Variants in SLC5A3 observed in about 807,000 individuals in gnomAD.
SLC5A3 encodes the protein sodium/myo-inositol cotransporter.
Under a neutral mutation model 43.2 loss-of-function variants are expected in SLC5A3, and 10 were observed. That is an observed-to-expected ratio of 0.23 (90% CI 0.14 to 0.39). The LOEUF (loss-of-function observed/expected upper bound fraction) is 0.39. Ranked by LOEUF, SLC5A3 falls within the 10% of genes least tolerant of loss-of-function variation. The pLI is 1.00. For missense variants in SLC5A3, 608 were observed against 893.4 expected, an observed-to-expected ratio of 0.68 and a Z score of 4.07; for synonymous variants, 349 against 322.0, an observed-to-expected ratio of 1.08 and a Z score of -0.90.
At position 34,106,164 on chromosome 21, in the gene SLC5A3, C is replaced by A. The variant is rs1979466763; in HGVS notation, c.*8809C>A. The A allele has an allele frequency of 1.0e-6, 1 of 989,534 alleles. No homozygotes were observed. The allele number at this position is 989,534 out of a possible 1,614,324, so 61.3% of individuals were successfully genotyped here. On this transcript the variant is annotated 3_prime_UTR_variant, in exon 2 of 2. Coordinates refer to ENST00000381151, the MANE Select transcript of SLC5A3 (RefSeq NM_006933.7). ...AACTACATTTCTTGCAAAGTACATT[C>A]CTTTCTGTGGTATTTTGTCCTGTAA...
In SLC5A3 at chr21:34,102,851, G is replaced by A. The variant is rs1979309660; in HGVS notation, c.*5496G>A. On this transcript the variant is annotated 3_prime_UTR_variant, in exon 2 of 2. Coordinates refer to ENST00000381151, the MANE Select transcript of SLC5A3 (RefSeq NM_006933.7). ...CACTTCTAGGTTGTTTACATTCAGA[G>A]CTCTATCAATAAGAGGAATACATAT... is the stretch of plus-strand genomic sequence containing the variant. The A allele has an allele frequency of 1.8e-5, 18 of 1,000,014 alleles. No homozygotes were observed. The highest frequency in any genetic ancestry group is 2.2e-5 in the Non-Finnish European group (18 of 829,924). 61.9% of individuals were successfully genotyped at this position (1,000,014 alleles called of 1,614,324 possible). A position where few individuals can be genotyped will look rare whatever the true frequency, so the allele number is the denominator to read the frequency against.
intron 1 of SLC5A3, among the ~76,000 whole-genome samples, chr21:34,082,205 G>A (rs1989475129): frequency 6.6e-6 from 1 of 152,164 alleles, no homozygotes; most frequent in African/African-American, 2.4e-5. Flanking sequence ...TAGCATTTAT[G>A]TTGACAAAGC....
rs554522411 is a variant in SLC5A3, at chr21:34,080,688, T to C, written c.-337+6943T>C. Among the ~76,000 whole-genome samples the C allele has an allele frequency of 5.3e-5, 8 of 152,350 alleles. No individual in the cohort carries two copies. In the South Asian group the frequency reaches 1.2e-3, roughly 24 times the overall value. On this transcript the variant is annotated intron_variant, in intron 1 of 1. Coordinates refer to ENST00000381151, the MANE Select transcript of SLC5A3 (RefSeq NM_006933.7). ...TCTACTTTGTATTACAGTTAATTGG[T>C]GAATATGTTTTACCTCCTTTGCTAG... is the stretch of plus-strand genomic sequence containing the variant.
In SLC5A3 at chr21:34,104,910, T is replaced by C; in HGVS notation, c.*7555T>C. 2.0e-6 allele frequency: 2 copies of C among 1,000,216 alleles called. No homozygotes were observed. Among genetic ancestry groups the C allele is most frequent in the South Asian group, 9.4e-5 (2 of 21,286 alleles). 62.0% of individuals were successfully genotyped at this position (1,000,216 alleles called of 1,614,324 possible). ...ATTTCTTTGGCAGAAATGCCTTTCATCTATAATTTCATGGAGAACTGCTTT... is the reference window on the plus strand; with the variant it reads ...ATTTCTTTGGCAGAAATGCCTTTCACCTATAATTTCATGGAGAACTGCTTT... On this transcript the variant is annotated 3_prime_UTR_variant, in exon 2 of 2. Coordinates refer to ENST00000381151, the MANE Select transcript of SLC5A3 (RefSeq NM_006933.7).
intron 1 of SLC5A3, among the ~76,000 whole-genome samples, chr21:34,079,945 T>C (rs1056472515): frequency 6.6e-6 from 1 of 152,180 alleles, no homozygotes; most frequent in Non-Finnish European, 1.5e-5. Flanking sequence ...TTATCGCTTC[T>C]CTGTCTTCTG....
chr21:34,087,965 A>T (rs1001520734), intron 1 of SLC5A3, among the ~76,000 whole-genome samples: 2 of 152,228 alleles, frequency 1.3e-5, no homozygotes, highest in African/African-American at 4.8e-5. Context: ...GGACTGAGCA[A>T]TAGTGAGGAT....
intron 1 of SLC5A3, among the ~76,000 whole-genome samples, chr21:34,089,120 T>C (rs1330397707): frequency 2.0e-5 from 3 of 151,368 alleles, no homozygotes; most frequent in African/African-American, 7.3e-5. Flanking sequence ...TCCACCTCTC[T>C]GGGTTCAAGC....
In SLC5A3 at chr21:34,096,258, C is replaced by T; in HGVS notation, c.1060C>T (p.Leu354=). The change falls in exon 2 of 2, where the codon CTG becomes TTG. Residue 354 remains leucine, a synonymous_variant. Coordinates refer to ENST00000381151, the MANE Select transcript of SLC5A3 (RefSeq NM_006933.7). This position sits in a 1 kb window ranked among gnomAD's most constrained non-coding sequence, Gnocchi z 5.9. ...TTGCTCCAATATTGCTTACCCACGCCTGGTGATGAAGCTGGTTCCTGTGGG... is the reference window on the plus strand; with the variant it reads ...TTGCTCCAATATTGCTTACCCACGCTTGGTGATGAAGCTGGTTCCTGTGGG... ...AGCSNIAYPR[L]VMKLVPVGLR... 2 of 1,614,126 alleles carry T rather than the reference C, an allele frequency of 1.2e-6. No homozygotes were observed. The highest frequency in any genetic ancestry group is 1.7e-6 in the Non-Finnish European group (2 of 1,180,002).
intron 1 of SLC5A3, among the ~76,000 whole-genome samples, chr21:34,089,203 T>TA (rs1381270408): frequency 1.1e-3 from 1 of 936 alleles, no homozygotes; most frequent in Admixed American, 0.017. Flanking sequence ...GATTTTTGTG[T>TA]TTTTTTAGAG....
At position 34,098,157 on chromosome 21, in the gene SLC5A3, T is replaced by G. The variant is rs1979059185; in HGVS notation, c.*802T>G. ...CCATATTTATTGATCATATTAAGGT[T>G]GTTTATATAGTTTGGAAATGACCAG... On this transcript the variant is annotated 3_prime_UTR_variant, in exon 2 of 2. Coordinates refer to ENST00000381151, the MANE Select transcript of SLC5A3 (RefSeq NM_006933.7). The G allele has an allele frequency of 1.0e-6, 1 of 1,000,006 alleles. No homozygotes were observed. Among genetic ancestry groups the G allele is most frequent in the Admixed American group, 6.2e-5 (1 of 16,256 alleles). The allele number at this position is 1,000,006 out of a possible 1,614,324, so 61.9% of individuals were successfully genotyped here. A position where few individuals can be genotyped will look rare whatever the true frequency, so the allele number is the denominator to read the frequency against.
chr21:34,095,651 G>A lies in SLC5A3; in HGVS notation c.453G>A (p.Gln151=). The change falls in exon 2 of 2, where the codon CAG becomes CAA. Residue 151 remains glutamine (Q), a synonymous_variant. Transcript: ENST00000381151. ...TGTATTCGGGTGCCCTTTTTATCCA[G>A]GAGTCTTTGGGTTGGAATCTTTATG... ...VDLYSGALFI[Q]ESLGWNLYVS... The A allele has an allele frequency of 6.2e-7, 1 of 1,613,432 alleles. No homozygotes were observed. Among genetic ancestry groups the A allele is most frequent in the Non-Finnish European group, 8.5e-7 (1 of 1,179,860 alleles).
At chr21:34,075,089 A>G (rs576672297) in intron 1 of SLC5A3, among the ~76,000 whole-genome samples, 1 of 152,358 alleles carries the variant, frequency 6.6e-6, no homozygotes, top group Non-Finnish European at 1.5e-5. Context: ...AAAGGATAGG[A>G]GCAGTGAAAA....
rs1979219258 is a variant in SLC5A3, at chr21:34,101,157, C to T, written c.*3802C>T. On this transcript the variant is annotated 3_prime_UTR_variant, in exon 2 of 2. Coordinates refer to ENST00000381151, the MANE Select transcript of SLC5A3 (RefSeq NM_006933.7). Reference sequence around the variant, plus strand: ...GAAAAATGATTAAGTGAGATAAGTACCTGGGTGACACAGATATTAGCCCGT... The same window carrying T: ...GAAAAATGATTAAGTGAGATAAGTATCTGGGTGACACAGATATTAGCCCGT... 3 of 999,972 alleles carry T rather than the reference C, an allele frequency of 3.0e-6. No homozygotes were observed. The highest frequency in any genetic ancestry group is 3.6e-6 in the Non-Finnish European group (3 of 829,904). 61.9% of individuals were successfully genotyped at this position (999,972 alleles called of 1,614,324 possible).
chr21:34,104,313 A>T lies in SLC5A3; in HGVS notation c.*6958A>T, dbSNP rs1177406248. The T allele has an allele frequency of 1.0e-6, 1 of 999,944 alleles. No homozygotes were observed. The highest frequency in any genetic ancestry group is 1.2e-6 in the Non-Finnish European group (1 of 829,882). 61.9% of individuals were successfully genotyped at this position (999,944 alleles called of 1,614,324 possible). A position where few individuals can be genotyped will look rare whatever the true frequency, so the allele number is the denominator to read the frequency against. On this transcript the variant is annotated 3_prime_UTR_variant, in exon 2 of 2. Transcript: ENST00000381151. ...AGTCTAGATGAGATGAAATCTGTTAATGTGTGTGTAGAAGAAAACGTATGT... is the reference window on the plus strand; with the variant it reads ...AGTCTAGATGAGATGAAATCTGTTATTGTGTGTGTAGAAGAAAACGTATGT...
intron 1 of SLC5A3, among the ~76,000 whole-genome samples, chr21:34,092,700 T>C (rs969911784): frequency 6.6e-5 from 10 of 152,228 alleles, no homozygotes; most frequent in African/African-American, 2.4e-4. Flanking sequence ...GTTTTCTTTT[T>C]CAGCACTTTG....
rs1979207544 is a variant in SLC5A3, at chr21:34,100,913, G to C, written c.*3558G>C. On this transcript the variant is annotated 3_prime_UTR_variant, in exon 2 of 2. Transcript: ENST00000381151. ...GCTACTCAAAGGTTAGGTCTTCCCT[G>C]TTCCTGCTTGGCAGTGTTAAAGCTT... The C allele has an allele frequency of 1.0e-6, 1 of 1,000,022 alleles. No homozygotes were observed. Among genetic ancestry groups the C allele is most frequent in the East Asian group, 1.1e-4 (1 of 8,822 alleles). 61.9% of individuals were successfully genotyped at this position (1,000,022 alleles called of 1,614,324 possible).
At position 34,096,533 on chromosome 21, in the gene SLC5A3, A is replaced by G; in HGVS notation, c.1335A>G (p.Ala445=). The change falls in exon 2 of 2, where the codon GCA becomes GCG. Residue 445 remains alanine (A), a synonymous_variant. Transcript: ENST00000381151. This position sits in a 1 kb window ranked among gnomAD's most constrained non-coding sequence, Gnocchi z 5.9. The part of the protein sequence containing the change: ...GQMYLYIQEV[A]DYLTPPVAAL... ...TGTACCTTTACATTCAGGAGGTAGCAGATTACCTGACACCCCCAGTGGCAG... is the reference window on the plus strand; with the variant it reads ...TGTACCTTTACATTCAGGAGGTAGCGGATTACCTGACACCCCCAGTGGCAG... 6.2e-7 allele frequency: 1 copy of G among 1,614,174 alleles called. No individual in the cohort carries two copies. Among genetic ancestry groups the G allele is most frequent in the Middle Eastern group, 1.6e-4 (1 of 6,062 alleles).
At position 34,104,179 on chromosome 21, in the gene SLC5A3, A is replaced by T. The variant is rs982327876; in HGVS notation, c.*6824A>T. On this transcript the variant is annotated 3_prime_UTR_variant, in exon 2 of 2. Transcript: ENST00000381151. ...TTTTAATAAAGGATAATTTGATCTG[A>T]GTGTTCTGAGCATCAGACTAATTCT... 2.0e-6 allele frequency: 2 copies of T among 1,000,060 alleles called. No homozygotes were observed. Among genetic ancestry groups the T allele is most frequent in the African/African-American group, 3.5e-5 (2 of 57,326 alleles). The allele number at this position is 1,000,060 out of a possible 1,614,324, so 61.9% of individuals were successfully genotyped here. A position where few individuals can be genotyped will look rare whatever the true frequency, so the allele number is the denominator to read the frequency against.
Position 34,100,469 on chromosome 21 carries a change from C to A in SLC5A3, c.*3114C>A. On this transcript the variant is annotated 3_prime_UTR_variant, in exon 2 of 2. Coordinates refer to ENST00000381151, the MANE Select transcript of SLC5A3 (RefSeq NM_006933.7). ...AGATTAGAGAAGCATCAAGCAATAGCAATGGTGCTGTGTCCTTCGGCCTAA... is the reference window on the plus strand; with the variant it reads ...AGATTAGAGAAGCATCAAGCAATAGAAATGGTGCTGTGTCCTTCGGCCTAA... 1 of 1,000,172 alleles carries A rather than the reference C, an allele frequency of 1.0e-6. No individual in the cohort carries two copies. Among genetic ancestry groups the A allele is most frequent in the Non-Finnish European group, 1.2e-6 (1 of 829,922 alleles). The allele number at this position is 1,000,172 out of a possible 1,614,324, so 62.0% of individuals were successfully genotyped here.
Sources: allele counts gnomAD v4.1 joint callset (sites outside exome capture counted in the v4.1 genomes callset), GRCh38; gene constraint gnomAD v4.1.1; non-coding constraint Gnocchi (gnomAD v3.1); transcripts MANE v1.5; gene names NCBI Gene and HGNC (gene_info 2026-07-23, HGNC 2026-07-21).